DLGAP1: variants seen among roughly 807,000 people sequenced by gnomAD.
DLGAP1 encodes the protein DLG associated protein 1, also known as disks large-associated protein 1.
Under a neutral mutation model 90.8 loss-of-function variants are expected in DLGAP1, and 11 were observed. That is an observed-to-expected ratio of 0.12 (90% CI 0.08 to 0.20). The LOEUF is 0.20. DLGAP1 is among the 10% of genes least tolerant of loss of function. DLGAP1 has a pLI of 1.00. For missense variants in DLGAP1, 1,050 were observed against 1,333.8 expected, an observed-to-expected ratio of 0.79 and a Z score of 3.31; for synonymous variants, 558 against 540.7, an observed-to-expected ratio of 1.03 and a Z score of -0.44.
intron 1 of DLGAP1, among the ~76,000 whole-genome samples, chr18:4,156,897 G>T (rs2076766225): frequency 6.6e-6 from 1 of 152,192 alleles, no homozygotes; most frequent in Non-Finnish European, 1.5e-5. Context: ...CGAGTGCACA[G>T]CTGAGGAGGA....
intron 4 of DLGAP1, among the ~76,000 whole-genome samples, chr18:3,865,938 G>T (rs946056600): frequency 3.3e-5 from 5 of 152,158 alleles, no homozygotes; most frequent in Admixed American, 2.6e-4. Context: ...CATAAAAGTG[G>T]ATCCAGCATG....
chr18:4,361,384 G>T (rs2081626969), intron 1 of DLGAP1, among the ~76,000 whole-genome samples: 1 of 152,074 alleles, frequency 6.6e-6, no homozygotes, highest in Admixed American at 6.6e-5. Flanking sequence ...TCAAAACATT[G>T]TGGTACTGGC....
intron 2 of DLGAP1, among the ~76,000 whole-genome samples, chr18:4,051,522 C>T (rs185257953): frequency 6.6e-6 from 1 of 152,204 alleles, no homozygotes; most frequent in African/African-American, 2.4e-5. Flanking sequence ...AGGGTAACCA[C>T]CCCCATGATT....
chr18:3,590,217 C>G (rs555190565), intron 7 of DLGAP1, among the ~76,000 whole-genome samples: 1 of 152,250 alleles, frequency 6.6e-6, no homozygotes, highest in South Asian at 2.1e-4. Flanking sequence ...GCCAAAAGGG[C>G]TTTATTAAAA....
chr18:4,205,808 G>A (rs1234425038), intron 1 of DLGAP1, among the ~76,000 whole-genome samples: 3 of 152,220 alleles, frequency 2.0e-5, no homozygotes, highest in Non-Finnish European at 2.9e-5. Context: ...AATAGACAGT[G>A]CTGCTTAAAT....
chr18:4,155,674 G>A (rs2076744043), intron 1 of DLGAP1, among the ~76,000 whole-genome samples: 1 of 152,184 alleles, frequency 6.6e-6, no homozygotes, highest in Non-Finnish European at 1.5e-5. Flanking sequence ...AAGCTTATGA[G>A]CAAAGATGAG....
chr18:4,063,244 C>G (rs903182138), intron 2 of DLGAP1, among the ~76,000 whole-genome samples: 1 of 152,038 alleles, frequency 6.6e-6, no homozygotes. Flanking sequence ...ACATATTCTC[C>G]TATCAATATA....
intron 4 of DLGAP1, among the ~76,000 whole-genome samples, chr18:3,877,353 C>G (rs1476393120): frequency 6.6e-6 from 1 of 152,162 alleles, no homozygotes; most frequent in Non-Finnish European, 1.5e-5. Context: ...CATTTCATTA[C>G]TAACAAAGGC....
At chr18:3,596,820 T>G (rs76573302) in intron 7 of DLGAP1, 1 of 519,610 alleles carries the variant, frequency 1.9e-6, no homozygotes, top group Admixed American at 1.9e-5. Context: ...CCATTCGCTG[T>G]GATCTCTGAT....
intron 4 of DLGAP1, among the ~76,000 whole-genome samples, chr18:3,834,939 C>T (rs752897949): frequency 6.6e-6 from 1 of 152,154 alleles, no homozygotes; most frequent in African/African-American, 2.4e-5. Flanking sequence ...AAGGAACAGG[C>T]TTTGACTGGA....
intron 1 of DLGAP1, among the ~76,000 whole-genome samples, chr18:4,351,485 C>A (rs1004999192): frequency 6.6e-6 from 1 of 152,114 alleles, no homozygotes; most frequent in Non-Finnish European, 1.5e-5. Context: ...TATTCTGACT[C>A]GAAATCTAGC....
At chr18:4,317,994 C>T (rs755781601) in intron 1 of DLGAP1, among the ~76,000 whole-genome samples, 14 of 152,066 alleles carry the variant, frequency 9.2e-5, no homozygotes, top group Admixed American at 2.6e-4. Flanking sequence ...ATTACAGGCG[C>T]GTACCATCAC....
intron 10 of DLGAP1, among the ~76,000 whole-genome samples, chr18:3,514,109 CTTT>C (rs11402114): frequency 6.9e-6 from 1 of 145,496 alleles, no homozygotes; most frequent in Non-Finnish European, 1.5e-5. Context: ...CTGACTGCTT[CTTT>C]TTTTTTTTTT....
chr18:3,897,970 A>AT lies in DLGAP1; in HGVS notation c.-72-17831dup, dbSNP rs369627028. ...CCACCGCGCCCGGCTAATTTTTTGT[A>AT]TTTTTAGTAGAGACGGGGTTTCACC... On this transcript the variant is annotated intron_variant, in intron 3 of 12. Coordinates refer to ENST00000315677, the MANE Select transcript of DLGAP1 (RefSeq NM_004746.4). Among the ~76,000 whole-genome samples, 997 of 150,978 alleles carry AT rather than the reference A, an allele frequency of 6.6e-3. 12 individuals are homozygous for AT. Among genetic ancestry groups the AT allele is most frequent in the African/African-American group, 0.023 (964 of 41,170 alleles).
chr18:3,735,951 TAC>T (rs145998387), intron 6 of DLGAP1, among the ~76,000 whole-genome samples: 4 of 150,424 alleles, frequency 2.7e-5, no homozygotes, highest in Non-Finnish European at 5.9e-5. Context: ...TCTTTCTCTC[TAC>T]ACACACACAC....
chr18:4,231,070 T>C (rs1280296550), intron 1 of DLGAP1, among the ~76,000 whole-genome samples: 1 of 152,132 alleles, frequency 6.6e-6, no homozygotes, highest in Admixed American at 6.6e-5. Flanking sequence ...AATTTCAAGA[T>C]TACCTACCAG....
At chr18:3,764,806 C>T (rs530784368) in intron 5 of DLGAP1, among the ~76,000 whole-genome samples, 24 of 152,228 alleles carry the variant, frequency 1.6e-4, no homozygotes, top group Non-Finnish European at 3.4e-4. Context: ...CAGATGGAAA[C>T]AAAATTTTCA....
rs577296746 is a variant in DLGAP1 at position 3,704,917 on chromosome 18, A to G, written c.1591+24218T>C. Among the ~76,000 whole-genome samples, 7 of 152,354 alleles carry G rather than the reference A, an allele frequency of 4.6e-5. No homozygotes were observed. The South Asian group carries it at 1.2e-3, about 27-fold the overall frequency. On this transcript the variant is annotated intron_variant, in intron 7 of 12. Transcript: ENST00000315677. Reference sequence around the variant, plus strand: ...ATTTAATGCCTTTTGGATGTTTTGGATAGCAGTCTTGTGTAAAGAGACAAG... The same window carrying G: ...ATTTAATGCCTTTTGGATGTTTTGGGTAGCAGTCTTGTGTAAAGAGACAAG...
chr18:3,534,251 C>T lies in DLGAP1; in HGVS notation c.2422G>A (p.Glu808Lys), dbSNP rs760839827. 2 of 1,614,260 alleles carry T rather than the reference C, an allele frequency of 1.2e-6. No individual in the cohort carries two copies. Among genetic ancestry groups the T allele is most frequent in the South Asian group, 2.2e-5 (2 of 91,088 alleles). ...CGCTCCATCTGTTGACACCACCCCT[C>T]CATGCGGTCTCGCTCTGCCTGGAGA... is the stretch of plus-strand genomic sequence containing the variant. ...KLLQAERDRM[E>K]GWCQQMEREE... is the part of the protein sequence containing the mutation. Residue 808 changes from glutamate to lysine, a missense_variant, in exon 10 of 13, where the codon GAG (glutamate) becomes AAG (lysine). By Grantham distance (56) the Glu-to-Lys change is moderately conservative. Transcript: ENST00000315677.
Sources: gnomAD v4.1 joint callset for allele counts (sites outside exome capture counted in the v4.1 genomes callset) on GRCh38, gnomAD v4.1.1 for gene constraint, MANE v1.5 for transcripts, NCBI Gene and HGNC (gene_info 2026-07-23, HGNC 2026-07-21) for gene names.